AACS: variants seen among roughly 807,000 people sequenced by gnomAD.
AACS encodes the protein acetoacetate-CoA ligase.
Under a neutral mutation model 83.1 loss-of-function variants are expected in AACS, and 69 were observed. That is an observed-to-expected ratio of 0.83 (90% CI 0.68 to 1.01). AACS has a LOEUF of 1.01. Among genes scored for constraint, AACS ranks in the 50% least tolerant of loss-of-function variants. AACS has a pLI of 0.00. For missense variants in AACS, 866 were observed against 882.2 expected (o/e 0.98, Z 0.23); for synonymous variants, 333 against 343.4 (o/e 0.97, Z 0.33).
intron 1 of AACS, among the ~76,000 whole-genome samples, chr12:125,069,137 G>A (rs942686072): frequency 2.0e-5 from 3 of 152,090 alleles, no homozygotes; most frequent in African/African-American, 7.2e-5. Flanking sequence ...CACCGCGCCC[G>A]GCTGTGAGCA....
chr12:125,115,678 A>AC (rs1333375638), intron 9 of AACS, among the ~76,000 whole-genome samples: 3 of 150,506 alleles, frequency 2.0e-5, no homozygotes, highest in East Asian at 2.0e-4. Context: ...AGGGAGGACA[A>AC]CCCCCCCACC....
At chr12:125,072,117 A>G (rs548224494) in intron 1 of AACS, among the ~76,000 whole-genome samples, 1 of 149,646 alleles carries the variant, frequency 6.7e-6, no homozygotes, top group Non-Finnish European at 1.5e-5. Context: ...TCGGCCTCCC[A>G]AAGGGTTGGG....
chr12:125,142,337 C>A lies in AACS; in HGVS notation c.*108C>A. ...AGCTGTTGTAAAAGGATGCTCGCAC[C>A]AAGTGTTCTGTAGGCTTGGGGAGGG... On this transcript the variant is annotated 3_prime_UTR_variant, in exon 18 of 18. Coordinates refer to ENST00000316519, the MANE Select transcript of AACS (RefSeq NM_023928.5). 1.4e-6 allele frequency: 2 copies of A among 1,465,568 alleles called. No homozygotes were observed. Among genetic ancestry groups the A allele is most frequent in the Admixed American group, 2.2e-5 (1 of 46,110 alleles). 90.8% of individuals were successfully genotyped at this position (1,465,568 alleles called of 1,614,324 possible). A position where few individuals can be genotyped will look rare whatever the true frequency, so the allele number is the denominator to read the frequency against.
At chr12:125,137,546 G>T (rs1957417964) in intron 17 of AACS, among the ~76,000 whole-genome samples, 1 of 152,204 alleles carries the variant, frequency 6.6e-6, no homozygotes, top group African/African-American at 2.4e-5. Flanking sequence ...AAGTTCTGCT[G>T]GTACAGACAA....
chr12:125,074,107 C>A lies in AACS; in HGVS notation c.237+128C>A, dbSNP rs1289581702. 8.2e-6 allele frequency: 6 copies of A among 735,740 alleles called. No homozygotes were observed. In the African/African-American group the frequency reaches 1.1e-4, roughly 13 times the overall value. The allele number at this position is 735,740 out of a possible 1,614,324, so 45.6% of individuals were successfully genotyped here. A position where few individuals can be genotyped will look rare whatever the true frequency, so the allele number is the denominator to read the frequency against. On this transcript the variant is annotated intron_variant, in intron 2 of 17. Coordinates refer to ENST00000316519, the MANE Select transcript of AACS (RefSeq NM_023928.5). ...TCATGCAGATGGGAAAAAGTCATTG[C>A]CCTAGAGAACTGGCATTAAATTATC...
intron 5 of AACS, among the ~76,000 whole-genome samples, chr12:125,099,876 A>G (rs866765169): frequency 5.3e-5 from 8 of 152,176 alleles, no homozygotes; most frequent in East Asian, 1.9e-4. Flanking sequence ...GGGTTTCTCA[A>G]TTTTGGTTAG....
rs553088054 is a variant in AACS, at chr12:125,107,983, T to C, written c.915+715T>C. Among the ~76,000 whole-genome samples, 14 of 152,058 alleles carry C rather than the reference T, an allele frequency of 9.2e-5. No homozygotes were observed. In the East Asian group the frequency reaches 2.3e-3, roughly 25 times the overall value. ...CTCAAAAAATAAAAATAAAATAAAA[T>C]ATTAGCACAGAATAGGCTCATAAGA... On this transcript the variant is annotated intron_variant, in intron 8 of 17. Transcript: ENST00000316519.
rs757016707 is a variant in AACS, at chr12:125,107,251, A to G, written c.898A>G (p.Met300Val). Reference sequence around the variant, plus strand: ...GGGCACCACGGGCGCACCCAAGTGCATGGTGCATTCCGCTGGGGTAGGTCT... The same window carrying G: ...GGGCACCACGGGCGCACCCAAGTGCGTGGTGCATTCCGCTGGGGTAGGTCT... ...SSGTTGAPKC[M>V]VHSAGGTLIQ... Residue 300 changes from methionine to valine, a missense_variant, in exon 8 of 18, where the codon ATG becomes GTG. Coordinates refer to ENST00000316519, the MANE Select transcript of AACS (RefSeq NM_023928.5). 2.5e-6 allele frequency: 4 copies of G among 1,613,794 alleles called. No homozygotes were observed. Among genetic ancestry groups the G allele is most frequent in the Admixed American group, 1.7e-5 (1 of 60,012 alleles).
At chr12:125,072,254 C>T (rs1239389462) in intron 1 of AACS, among the ~76,000 whole-genome samples, 7 of 151,176 alleles carry the variant, frequency 4.6e-5, no homozygotes, top group Non-Finnish European at 1.0e-4. Flanking sequence ...AGCTTCTGGG[C>T]TAAAGCGATC....
Position 125,129,597 on chromosome 12 carries a change from G to T in AACS, c.1549+137G>T. On this transcript the variant is annotated intron_variant, in intron 14 of 17. Transcript: ENST00000316519. This position sits in a 1 kb window ranked among gnomAD's most constrained non-coding sequence, Gnocchi z 4.3. ...GGAGAAGCTGCTTATAGTTCATTCCGCCAGTGGGGGGATAATGAATTTTTG... is the reference window on the plus strand; with the variant it reads ...GGAGAAGCTGCTTATAGTTCATTCCTCCAGTGGGGGGATAATGAATTTTTG... The T allele has an allele frequency of 9.0e-7, 1 of 1,115,788 alleles. No homozygotes were observed. The highest frequency in any genetic ancestry group is 1.3e-6 in the Non-Finnish European group (1 of 791,890). 69.1% of individuals were successfully genotyped at this position (1,115,788 alleles called of 1,614,324 possible). A position where few individuals can be genotyped will look rare whatever the true frequency, so the allele number is the denominator to read the frequency against.
At chr12:125,141,711 GA>G (rs59709644) in intron 17 of AACS, 6 of 87,514 alleles carry the variant, frequency 6.9e-5, no homozygotes, top group East Asian at 6.8e-4. Context: ...AAAAAAAAAA[GA>G]AAAAAAAAGA....
chr12:125,077,951 C>A (rs371847719), intron 3 of AACS: 125 of 358,722 alleles, frequency 3.5e-4, no homozygotes, highest in South Asian at 2.5e-3. Flanking sequence ...TCAGGTGATT[C>A]CCCCCGCCTC....
Position 125,128,235 on chromosome 12 carries a change from C to G in AACS, c.1384C>G (p.Arg462Gly). ...LPVYKGEIQA[R>G]NLGMAVEAWN... ...TGTGTATAAAGGGGAGATTCAGGCC[C>G]GGAACCTGGGCATGGCCGTGGAAGC... The change falls in exon 13 of 18, where the codon CGG (arginine) becomes GGG (glycine). Residue 462 changes from arginine (R) to glycine (G), a missense_variant. By Grantham distance (125) the Arg-to-Gly change is moderately radical. Transcript: ENST00000316519. 1 of 1,613,028 alleles carries G rather than the reference C, an allele frequency of 6.2e-7. No homozygotes were observed. The highest frequency in any genetic ancestry group is 8.5e-7 in the Non-Finnish European group (1 of 1,179,268).
At chr12:125,133,015 T>TA (rs1957348595) in intron 14 of AACS, among the ~76,000 whole-genome samples, 1 of 152,236 alleles carries the variant, frequency 6.6e-6, no homozygotes, top group Non-Finnish European at 1.5e-5. Flanking sequence ...TCTTTACTGT[T>TA]TTCCCTTCCC....
At chr12:125,096,109 C>T (rs1352584166) in intron 5 of AACS, among the ~76,000 whole-genome samples, 6 of 152,190 alleles carry the variant, frequency 3.9e-5, no homozygotes, top group African/African-American at 1.4e-4. Flanking sequence ...GGACTACAGG[C>T]GCCTGCCACC....
At chr12:125,103,195 G>A in intron 7 of AACS, 114 bp downstream of exon 7, 1 of 874,754 alleles carries the variant, frequency 1.1e-6, no homozygotes, top group Non-Finnish European at 1.8e-6. Context: ...AGAAGTGGAG[G>A]AGGTTTTAGT....
At chr12:125,134,297 A>G (rs562585380) in intron 15 of AACS, among the ~76,000 whole-genome samples, 1 of 152,230 alleles carries the variant, frequency 6.6e-6, no homozygotes, top group South Asian at 2.1e-4. Context: ...GCCTGTGCAC[A>G]CACCATCCCT....
chr12:125,109,553 A>G (rs1475016325), intron 8 of AACS, among the ~76,000 whole-genome samples: 1 of 152,162 alleles, frequency 6.6e-6, no homozygotes, highest in African/African-American at 2.4e-5. Context: ...TCACTCTTTA[A>G]TATTTCAGCA....
chr12:125,091,430 T>C lies in AACS; in HGVS notation c.477T>C (p.Tyr159=). The C allele has an allele frequency of 6.2e-7, 1 of 1,614,214 alleles. No homozygotes were observed. Among genetic ancestry groups the C allele is most frequent in the African/African-American group, 1.3e-5 (1 of 75,070 alleles). ...CTTCCTATGTTTTCTCCACAGGTTATTTACCCAACAGTGAGCACGCTGTCG... is the reference window on the plus strand; with the variant it reads ...CTTCCTATGTTTTCTCCACAGGTTACTTACCCAACAGTGAGCACGCTGTCG... ...GVKKGDRVVG[Y]LPNSEHAVEA... is the part of the protein sequence containing the mutation. The change falls in exon 5 of 18, where the codon TAT becomes TAC. Residue 159 remains tyrosine, a synonymous_variant. Coordinates refer to ENST00000316519, the MANE Select transcript of AACS (RefSeq NM_023928.5).
Sources: allele counts gnomAD v4.1 joint callset (sites outside exome capture counted in the v4.1 genomes callset), GRCh38; gene constraint gnomAD v4.1.1; non-coding constraint Gnocchi (gnomAD v3.1); transcripts MANE v1.5; gene names NCBI Gene and HGNC (gene_info 2026-07-23, HGNC 2026-07-21).